The following ZNF423 variants were observed in gnomAD, a reference collection of about 807,000 sequenced individuals.
ZNF423 encodes the protein zinc finger protein 423.
A neutral mutation model predicts 95.8 loss-of-function variants in ZNF423; 12 were observed. The observed-to-expected ratio is 0.13, with a 90% CI of 0.08 to 0.20. The LOEUF (loss-of-function observed/expected upper bound fraction) is 0.20. Among genes scored for constraint, ZNF423 ranks in the 10% least tolerant of loss-of-function variants. ZNF423 has a pLI of 1.00. For synonymous variants in ZNF423, 749 were observed against 711.9 expected, an observed-to-expected ratio of 1.05 and a Z score of -0.83; for missense variants, 1,316 against 1,737.1, an observed-to-expected ratio of 0.76 and a Z score of 4.31.
chr16:49,787,404 CT>C (rs943400073), intron 2 of ZNF423, among the ~76,000 whole-genome samples: 2 of 152,200 alleles, frequency 1.3e-5, no homozygotes, highest in African/African-American at 4.8e-5. Flanking sequence ...TGCCCTCCCT[CT>C]CCCCATAGCT....
intron 5 of ZNF423, among the ~76,000 whole-genome samples, chr16:49,577,994 C>T (rs996822139): frequency 1.3e-5 from 2 of 152,200 alleles, no homozygotes; most frequent in African/African-American, 2.4e-5. Flanking sequence ...TGGAAGAAGG[C>T]GGCAGGGGGT....
At chr16:49,556,743 T>C (rs753022706) in intron 5 of ZNF423, among the ~76,000 whole-genome samples, 5 of 152,256 alleles carry the variant, frequency 3.3e-5, no homozygotes, top group Admixed American at 1.3e-4. Context: ...CGTGTACTTA[T>C]AGAACACTGT....
chr16:49,695,378 C>T (rs2031929974), intron 3 of ZNF423, among the ~76,000 whole-genome samples: 1 of 152,216 alleles, frequency 6.6e-6, no homozygotes, highest in Non-Finnish European at 1.5e-5. Flanking sequence ...CCGCAACCTC[C>T]ACCTCCCAGG....
chr16:49,591,487 A>C (rs537825867), intron 5 of ZNF423, among the ~76,000 whole-genome samples: 27 of 152,250 alleles, frequency 1.8e-4, no homozygotes, highest in African/African-American at 5.3e-4. Flanking sequence ...ATGCTAAAAT[A>C]GTATGGGCAT....
intron 5 of ZNF423, among the ~76,000 whole-genome samples, chr16:49,609,438 T>A (rs1971646191): frequency 6.6e-6 from 1 of 151,972 alleles, no homozygotes; most frequent in Non-Finnish European, 1.5e-5. Flanking sequence ...AAAGGAGGCA[T>A]CATAGAATTA....
At chr16:49,730,639 C>T in intron 3 of ZNF423, 132 bp downstream of exon 3, 2 of 971,000 alleles carry the variant, frequency 2.1e-6, no homozygotes, top group South Asian at 1.6e-5. Flanking sequence ...GTACCCAAGA[C>T]ACCACAATAA....
chr16:49,518,560 T>C, intron 7 of ZNF423: 1 of 434,274 alleles, frequency 2.3e-6, no homozygotes, highest in Non-Finnish European at 4.5e-6. Context: ...TCACATCAGT[T>C]ACACAAAACT....
At chr16:49,669,620 G>C (rs755094860) in intron 3 of ZNF423, among the ~76,000 whole-genome samples, 1 of 152,218 alleles carries the variant, frequency 6.6e-6, no homozygotes, top group Non-Finnish European at 1.5e-5. Flanking sequence ...GTTGGACCTA[G>C]AGACCCCTTG....
chr16:49,536,092 C>T (rs1969045641), intron 5 of ZNF423, among the ~76,000 whole-genome samples: 1 of 152,174 alleles, frequency 6.6e-6, no homozygotes, highest in Non-Finnish European at 1.5e-5. Context: ...AAAAGCCTGA[C>T]AGTTACCAAC....
intron 5 of ZNF423, among the ~76,000 whole-genome samples, chr16:49,532,304 G>T (rs1414809616): frequency 6.6e-6 from 1 of 152,150 alleles, no homozygotes; most frequent in Non-Finnish European, 1.5e-5. Context: ...CAGTGCCAGG[G>T]GCTCTCCACC....
chr16:49,793,364 C>T (rs1050087434), intron 1 of ZNF423, among the ~76,000 whole-genome samples: 1 of 152,196 alleles, frequency 6.6e-6, no homozygotes, highest in Non-Finnish European at 1.5e-5. Flanking sequence ...GCTGCCGAGC[C>T]CCACTGCACA....
chr16:49,739,268 G>C (rs10445031), intron 2 of ZNF423, among the ~76,000 whole-genome samples: 89,356 of 152,078 alleles, frequency 0.59, 27,051 homozygotes, highest in African/African-American at 0.75. Context: ...CTTGCTGCTG[G>C]GTTATGATTC....
chr16:49,617,932 C>T (rs933050377), intron 5 of ZNF423, among the ~76,000 whole-genome samples: 4 of 152,188 alleles, frequency 2.6e-5, no homozygotes, highest in Admixed American at 6.5e-5. Context: ...GCTCCTTCAG[C>T]ACCAACCACC....
chr16:49,734,505 T>A (rs1401409226), intron 2 of ZNF423, among the ~76,000 whole-genome samples: 1 of 152,256 alleles, frequency 6.6e-6, no homozygotes, highest in African/African-American at 2.4e-5. Context: ...AATGCTTTTC[T>A]GCAGAGGCCT....
chr16:49,796,886 C>G (rs1394388848), intron 1 of ZNF423, among the ~76,000 whole-genome samples: 1 of 152,170 alleles, frequency 6.6e-6, no homozygotes, highest in African/African-American at 2.4e-5. Context: ...ACCTCCACCC[C>G]CAAAATAACT....
intron 5 of ZNF423, among the ~76,000 whole-genome samples, chr16:49,557,204 G>A (rs1462271068): frequency 2.6e-5 from 4 of 152,210 alleles, no homozygotes; most frequent in East Asian, 3.8e-4. Flanking sequence ...ACTGCACGCC[G>A]CCATCGGAGA....
chr16:49,664,870 C>A (rs979929591), intron 3 of ZNF423, among the ~76,000 whole-genome samples: 1 of 152,256 alleles, frequency 6.6e-6, no homozygotes, highest in African/African-American at 2.4e-5. Flanking sequence ...CGGGGGTGGC[C>A]CCTGGCTACA....
At chr16:49,853,168 A>T (rs117632302) in intron 1 of ZNF423, among the ~76,000 whole-genome samples, 1 of 152,170 alleles carries the variant, frequency 6.6e-6, no homozygotes, top group Admixed American at 6.5e-5. Context: ...AAAATGTAAA[A>T]GACACCGCTG....
At chr16:49,600,975 T>C (rs1038128973) in intron 5 of ZNF423, among the ~76,000 whole-genome samples, 2 of 152,076 alleles carry the variant, frequency 1.3e-5, no homozygotes, top group African/African-American at 2.4e-5. Flanking sequence ...TTCTCTGATA[T>C]GATGTTTATA....
Sources: gnomAD v4.1 joint callset for allele counts (sites outside exome capture counted in the v4.1 genomes callset) on GRCh38, gnomAD v4.1.1 for gene constraint, MANE v1.5 for transcripts, NCBI Gene and HGNC (gene_info 2026-07-23, HGNC 2026-07-21) for gene names.